Variants in WDR41 observed in about 807,000 individuals in gnomAD.
The protein encoded by WDR41 is WD repeat-containing protein 41.
Under a neutral mutation model 69.3 loss-of-function variants are expected in WDR41, and 63 were observed. The observed-to-expected ratio is 0.91, with a 90% CI of 0.74 to 1.12. The LOEUF is 1.12. Among genes scored for constraint, WDR41 ranks in the 50% most tolerant of loss-of-function variants. The pLI, the probability that WDR41 is intolerant of heterozygous loss-of-function variation, is 0.00. For missense variants in WDR41, 543 were observed against 534.5 expected (o/e 1.02, Z -0.16); for synonymous variants, 185 against 192.1 (o/e 0.96, Z 0.31).
At chr5:77,534,341 C>T (rs981791019) in intron 1 of WDR41, among the ~76,000 whole-genome samples, 2 of 151,752 alleles carry the variant, frequency 1.3e-5, no homozygotes, top group East Asian at 1.9e-4. Flanking sequence ...TGGGGGGCGG[C>T]GGGGAAAGAC....
In WDR41 at chr5:77,433,159, ATTCTCCTCTAAT is replaced by A; in HGVS notation, c.1344_1355del (p.Lys448_Glu451del). 2 of 1,613,498 alleles carry A rather than the reference ATTCTCCTCTAAT, an allele frequency of 1.2e-6. No homozygotes were observed. Among genetic ancestry groups the A allele is most frequent in the Non-Finnish European group, 1.7e-6 (2 of 1,179,822 alleles). ...ACTAGACAGCAAGGTATAAGTCACC[ATTCTCCTCTAAT>A]TTTTGAAATAATCTTAAACTGCGCA... On this transcript the variant is annotated inframe_deletion, in exon 13 of 13. Coordinates refer to ENST00000296679, the MANE Select transcript of WDR41 (RefSeq NM_018268.4).
At chr5:77,580,781 T>C (rs12513941) in intron 1 of WDR41, among the ~76,000 whole-genome samples, 109,639 of 151,528 alleles carry the variant, frequency 0.72, 40,967 homozygotes, top group African/African-American at 0.9. Flanking sequence ...TCGTGAAACC[T>C]CATCTCTACT....
chr5:77,512,351 A>AGAGAGAGAGAGAGAGAGT (rs1561211233), intron 1 of WDR41, among the ~76,000 whole-genome samples: 2 of 120,244 alleles, frequency 1.7e-5, no homozygotes, highest in African/African-American at 3.2e-5. Context: ...AGAGAGAGAG[A>AGAGAGAGAGAGAGAGAGT]GTGAGTGTGT....
At chr5:77,555,360 G>A (rs547646791) in intron 1 of WDR41, among the ~76,000 whole-genome samples, 18 of 152,234 alleles carry the variant, frequency 1.2e-4, no homozygotes, top group African/African-American at 3.4e-4. Context: ...ACAGGCTGAA[G>A]GGCAGTGGCA....
chr5:77,585,553 G>A (rs1475274491), intron 1 of WDR41, among the ~76,000 whole-genome samples: 15 of 152,276 alleles, frequency 9.9e-5, no homozygotes, highest in African/African-American at 2.9e-4. Flanking sequence ...ATTCACAATC[G>A]CAAAATCGTG....
At chr5:77,460,851 G>A (rs553057516) in intron 4 of WDR41, among the ~76,000 whole-genome samples, 1 of 152,158 alleles carries the variant, frequency 6.6e-6, no homozygotes, top group East Asian at 1.9e-4. Flanking sequence ...TTGGATTTTG[G>A]AGCATTTCAG....
chr5:77,581,416 C>A (rs1404479580), intron 1 of WDR41, among the ~76,000 whole-genome samples: 1 of 152,150 alleles, frequency 6.6e-6, no homozygotes, highest in Admixed American at 6.5e-5. Flanking sequence ...CTGGAGGTTT[C>A]AATATCCCAC....
chr5:77,551,604 G>A (rs1377680374), intron 1 of WDR41, among the ~76,000 whole-genome samples: 1 of 152,100 alleles, frequency 6.6e-6, no homozygotes, highest in East Asian at 1.9e-4. Flanking sequence ...CTTGAACCCA[G>A]GAGGTAGAGG....
At chr5:77,484,335 G>C (rs1801414262) in intron 2 of WDR41, among the ~76,000 whole-genome samples, 1 of 152,200 alleles carries the variant, frequency 6.6e-6, no homozygotes, top group Non-Finnish European at 1.5e-5. Context: ...TTCCCCGCTT[G>C]ATTCAGGGCA....
chr5:77,542,470 T>C (rs1302651922), intron 1 of WDR41, among the ~76,000 whole-genome samples: 1 of 152,120 alleles, frequency 6.6e-6, no homozygotes, highest in Non-Finnish European at 1.5e-5. Flanking sequence ...TAAAAAATGC[T>C]GTAAAAAGAG....
chr5:77,454,689 G>A (rs969730203), intron 5 of WDR41, among the ~76,000 whole-genome samples: 4 of 152,188 alleles, frequency 2.6e-5, no homozygotes, highest in South Asian at 4.1e-4. Context: ...GGGCAAGAGC[G>A]AGAGAGAAGA....
At chr5:77,564,648 A>G (rs999327220) in intron 1 of WDR41, among the ~76,000 whole-genome samples, 6 of 152,036 alleles carry the variant, frequency 3.9e-5, no homozygotes, top group Non-Finnish European at 8.8e-5. Context: ...CTCATCTTTT[A>G]TCTCTCTGTA....
chr5:77,461,368 G>C (rs1294982952), intron 4 of WDR41, among the ~76,000 whole-genome samples: 1 of 152,020 alleles, frequency 6.6e-6, no homozygotes, highest in Non-Finnish European at 1.5e-5. Flanking sequence ...CATTTTTTCA[G>C]CTATGAACAA....
chr5:77,591,378 T>G, intron 1 of WDR41, among the ~76,000 whole-genome samples: 1 of 152,142 alleles, frequency 6.6e-6, no homozygotes, highest in East Asian at 1.9e-4. Context: ...TTTTCTCTAT[T>G]GTACCTATGT....
At position 77,481,248 on chromosome 5, in the gene WDR41, T is replaced by C. The variant is rs190554659; in HGVS notation, c.167+8209A>G. Among the ~76,000 whole-genome samples the C allele has an allele frequency of 2.9e-3, 439 of 152,186 alleles. 1 individual carries two copies. Among genetic ancestry groups the C allele is most frequent in the Middle Eastern group, 0.017 (5 of 294 alleles). On this transcript the variant is annotated intron_variant, in intron 2 of 12. Transcript: ENST00000296679. ...TGGTCTCAAACTCCTTACCTTGTGA[T>C]CCACCCGCCTTGGCCTCCCAAAGTT...
In WDR41 at chr5:77,431,138, A is replaced by G. The variant is rs1219848678; in HGVS notation, c.*1997T>C. On this transcript the variant is annotated 3_prime_UTR_variant, in exon 13 of 13. Coordinates refer to ENST00000296679, the MANE Select transcript of WDR41 (RefSeq NM_018268.4). ...GAGATGACAGACTCTAAATTTTGAAAGAAGTTCTACTGTGGGTAAAATGCT... is the reference window on the plus strand; with the variant it reads ...GAGATGACAGACTCTAAATTTTGAAGGAAGTTCTACTGTGGGTAAAATGCT... The G allele has an allele frequency of 6.6e-6, 1 of 152,238 alleles. No individual in the cohort carries two copies. Among genetic ancestry groups the G allele is most frequent in the Non-Finnish European group, 1.5e-5 (1 of 68,036 alleles). The allele number at this position is 152,238 out of a possible 1,614,324, so 9.4% of individuals were successfully genotyped here.
intron 2 of WDR41, among the ~76,000 whole-genome samples, chr5:77,484,845 C>CA (rs1326751073): frequency 6.6e-6 from 1 of 152,200 alleles, no homozygotes; most frequent in Non-Finnish European, 1.5e-5. Context: ...TGACTGCCTC[C>CA]AGCTGTTGAC....
intron 12 of WDR41, among the ~76,000 whole-genome samples, chr5:77,434,272 T>C (rs1013206687): frequency 1.8e-4 from 28 of 152,082 alleles, no homozygotes; most frequent in Middle Eastern, 3.4e-3. Context: ...GATTGCGCCA[T>C]TGTACTCCAA....
intron 1 of WDR41, among the ~76,000 whole-genome samples, chr5:77,554,019 C>T (rs1202195884): frequency 6.6e-6 from 1 of 152,126 alleles, no homozygotes; most frequent in Non-Finnish European, 1.5e-5. Flanking sequence ...TTTGTTATTG[C>T]TAAAAACTGG....
Sources: allele counts gnomAD v4.1 joint callset (sites outside exome capture counted in the v4.1 genomes callset), GRCh38; gene constraint gnomAD v4.1.1; transcripts MANE v1.5; gene names NCBI Gene and HGNC (gene_info 2026-07-23, HGNC 2026-07-21).